Variants in FBXW10B observed in about 807,000 individuals in gnomAD.
FBXW10B encodes the protein F-box and WD repeat domain containing protein 10B.
chr17:15,593,514 G>T, the FBXW10B span: 25 of 1,613,658 alleles, frequency 1.5e-5, no homozygotes, highest in East Asian at 5.1e-4. Flanking sequence ...GAACAGAGTA[G>T]CAGGCAGTAC....
chr17:15,592,764 G>A, the FBXW10B span, among the ~76,000 whole-genome samples: 3 of 152,018 alleles, frequency 2.0e-5, no homozygotes, highest in East Asian at 3.9e-4. Context: ...TTACAGAAGC[G>A]TTATGTTGCA....
chr17:15,601,983 G>A, the FBXW10B span, among the ~76,000 whole-genome samples: 17,205 of 151,882 alleles, frequency 0.11, 1,271 homozygotes, highest in African/African-American at 0.21. Context: ...ATGGTGGCGG[G>A]TGCCTGTAGT....
chr17:15,603,917 CAAAA>C, the FBXW10B span, among the ~76,000 whole-genome samples: 5 of 113,856 alleles, frequency 4.4e-5, no homozygotes, highest in Admixed American at 1.9e-4. Context: ...CTAAAAAATA[CAAAA>C]AAAAAAAAAA....
At chr17:15,613,653 C>T in the FBXW10B span, 5 of 1,594,958 alleles carry the variant, frequency 3.1e-6, no homozygotes, top group Middle Eastern at 3.5e-4. Flanking sequence ...AAGCCGTGCG[C>T]TGACAAGTCC....
the FBXW10B span, chr17:15,573,909 A>G: frequency 4.1e-5 from 19 of 458,186 alleles, no homozygotes; most frequent in Non-Finnish European, 6.9e-5. Context: ...TTTAATGAGA[A>G]CAAAATCAAT....
chr17:15,594,123 A>C, the FBXW10B span, among the ~76,000 whole-genome samples: 2 of 152,048 alleles, frequency 1.3e-5, no homozygotes, highest in Non-Finnish European at 2.9e-5. Context: ...TGATTCCTAG[A>C]GTTTACTTAT....
At chr17:15,613,166 GAA>G in the FBXW10B span, among the ~76,000 whole-genome samples, 1 of 151,642 alleles carries the variant, frequency 6.6e-6, no homozygotes. Context: ...CTTCTGGCAA[GAA>G]ACTGAGAAGT....
At chr17:15,594,486 A>AAAG in the FBXW10B span, 1 of 459,396 alleles carries the variant, frequency 2.2e-6, no homozygotes, top group African/African-American at 2.0e-5. Flanking sequence ...AAAAAAAAAA[A>AAAG]ATTCAATATC....
chr17:15,570,875 A>G, the FBXW10B span, among the ~76,000 whole-genome samples: 1 of 152,250 alleles, frequency 6.6e-6, no homozygotes, highest in African/African-American at 2.4e-5. Context: ...CCATGCAAGA[A>G]AAGTAGATAA....
the FBXW10B span, among the ~76,000 whole-genome samples, chr17:15,580,402 C>T: frequency 1.3e-5 from 2 of 151,768 alleles, no homozygotes; most frequent in Non-Finnish European, 2.9e-5. Context: ...ATTACAGCTA[C>T]TGTTGCAGCA....
chr17:15,594,917 A>G, the FBXW10B span: 1 of 1,612,880 alleles, frequency 6.2e-7, no homozygotes. Context: ...CACTGTCTTC[A>G]ACTCAGACTG....
the FBXW10B span, among the ~76,000 whole-genome samples, chr17:15,608,934 A>C: frequency 1.3e-5 from 2 of 151,856 alleles, no homozygotes; most frequent in Admixed American, 1.3e-4. Flanking sequence ...TTTGCTTCCC[A>C]GTCTTTCTTT....
At chr17:15,576,932 G>A in the FBXW10B span, among the ~76,000 whole-genome samples, 1 of 137,388 alleles carries the variant, frequency 7.3e-6, no homozygotes, top group South Asian at 2.4e-4. Context: ...CTTTACAGGA[G>A]ACATTTTTCA....
At chr17:15,588,972 C>T in the FBXW10B span, 8 of 1,613,272 alleles carry the variant, frequency 5.0e-6, no homozygotes, top group South Asian at 8.8e-5. Context: ...TGTATACCTG[C>T]TGCTACACAC....
At chr17:15,582,246 CT>C in the FBXW10B span, among the ~76,000 whole-genome samples, 1 of 147,808 alleles carries the variant, frequency 6.8e-6, no homozygotes, top group African/African-American at 2.5e-5. Context: ...AGAAATCAGT[CT>C]TTGACATAAT....
At chr17:15,575,378 C>G in the FBXW10B span, among the ~76,000 whole-genome samples, 5 of 144,638 alleles carry the variant, frequency 3.5e-5, no homozygotes, top group African/African-American at 1.2e-4. Context: ...GGTTCCTTCT[C>G]TTCTGACTTC....
chr17:15,606,953 G>T, the FBXW10B span, among the ~76,000 whole-genome samples: 1 of 152,178 alleles, frequency 6.6e-6, no homozygotes, highest in South Asian at 2.1e-4. Flanking sequence ...CTAAAATATG[G>T]CAGAAAGTTG....
chr17:15,615,596 A>C, the FBXW10B span: 1 of 1,609,534 alleles, frequency 6.2e-7, no homozygotes, highest in East Asian at 2.2e-5. Flanking sequence ...TACAGGCGTG[A>C]GCCACCGCAC....
At chr17:15,589,079 A>C in the FBXW10B span, 2 of 1,592,888 alleles carry the variant, frequency 1.3e-6, no homozygotes, top group Non-Finnish European at 1.7e-6. Context: ...GGCAGCCTCG[A>C]TGCTGGTAAG....
Sources: gnomAD v4.1 joint callset for allele counts (sites outside exome capture counted in the v4.1 genomes callset) on GRCh38, gnomAD v4.1.1 for gene constraint, MANE v1.5 for transcripts, NCBI Gene and HGNC (gene_info 2026-07-23, HGNC 2026-07-21) for gene names.